The following LEO1 variants were observed in gnomAD, a reference collection of about 807,000 sequenced individuals.
The protein encoded by LEO1 is LEO1 component of Paf1/RNA polymerase II complex.
In LEO1, 34 loss-of-function variants were observed where a neutral mutation model predicts 80.4. The observed-to-expected ratio is 0.42, with a 90% CI of 0.32 to 0.56. The LOEUF is 0.56. Among genes scored for constraint, LEO1 ranks in the 20% least tolerant of loss-of-function variants. LEO1 has a pLI of 0.10. For missense variants in LEO1, 631 were observed against 814.2 expected (o/e 0.77, Z 2.74); for synonymous variants, 262 against 274.9 (o/e 0.95, Z 0.46).
chr15:51,942,377 G>C (rs923730902), intron 11 of LEO1, among the ~76,000 whole-genome samples: 1 of 151,720 alleles, frequency 6.6e-6, no homozygotes, highest in African/African-American at 2.4e-5. Flanking sequence ...GTGTAGGTTT[G>C]CAACTGCCCA....
Position 51,971,677 on chromosome 15 carries a change from A to G in LEO1, c.58+11T>C. On this transcript the variant is annotated intron_variant, in intron 1 of 11. Transcript: ENST00000299601. Reference sequence around the variant, plus strand: ...GCCACGCACCCATCCTCCGAAGACCAGCGAACCCACCTTTACGCTCAGCTT... The same window carrying G: ...GCCACGCACCCATCCTCCGAAGACCGGCGAACCCACCTTTACGCTCAGCTT... 4 of 1,613,892 alleles carry G rather than the reference A, an allele frequency of 2.5e-6. No individual in the cohort carries two copies. In the Admixed American group the frequency reaches 6.7e-5, roughly 27 times the overall value.
intron 11 of LEO1, among the ~76,000 whole-genome samples, chr15:51,943,898 C>G (rs529276674): frequency 1.3e-4 from 20 of 151,316 alleles, no homozygotes; most frequent in Non-Finnish European, 1.9e-4. Context: ...CTTGATGGAT[C>G]GACAGAGATT....
chr15:51,966,495 G>C lies in LEO1; in HGVS notation c.68C>G (p.Ser23Cys). 1 of 1,582,558 alleles carries C rather than the reference G, an allele frequency of 6.3e-7. No individual in the cohort carries two copies. Among genetic ancestry groups the C allele is most frequent in the Admixed American group, 1.7e-5 (1 of 58,968 alleles). The change falls in exon 2 of 12, where the codon TCT becomes TGT. Residue 23 changes from serine to cysteine, a missense_variant. Around this residue, in one of 4 missense-constraint regions of LEO1, gnomAD observed 394 missense variants for 395.6 expected, o/e 1.00. Coordinates refer to ENST00000299601, the MANE Select transcript of LEO1 (RefSeq NM_138792.4). ...TTGATCAGAATCTGAGTCAGATCCA[G>C]AATCAGAATCTATGGGGTCATATAA... Reference protein sequence around the residue: ...DSEAERKDSDSGSDSDSDQEN... With the variant: ...DSEAERKDSDCGSDSDSDQEN...
rs542045904 is a variant in LEO1 at position 51,945,959 on chromosome 15, A to G, written c.1896+1333T>C. ...TGAGGCAGGAAAATGGCATGAACCC[A>G]GGAGGCAGAGCTTGCAGTGAACCGA... On this transcript the variant is annotated intron_variant, in intron 11 of 11. Coordinates refer to ENST00000299601, the MANE Select transcript of LEO1 (RefSeq NM_138792.4). Among the ~76,000 whole-genome samples the G allele has an allele frequency of 9.9e-5, 15 of 151,962 alleles. No homozygotes were observed. The South Asian group carries it at 2.7e-3, about 27-fold the overall frequency.
chr15:51,962,668 C>T (rs995561210), intron 2 of LEO1, among the ~76,000 whole-genome samples, 175 bp from the exon 3 acceptor site: 4 of 152,048 alleles, frequency 2.6e-5, no homozygotes, highest in African/African-American at 7.2e-5. Context: ...TGCTATATGC[C>T]AAGTTAAAGA....
chr15:51,945,829 T>C (rs1566880275), intron 11 of LEO1, among the ~76,000 whole-genome samples: 3 of 151,896 alleles, frequency 2.0e-5, no homozygotes, highest in Non-Finnish European at 2.9e-5. Flanking sequence ...GGTCAGGAGA[T>C]TGAGACCATC....
intron 8 of LEO1, among the ~76,000 whole-genome samples, chr15:51,952,767 A>C (rs1057111027): frequency 2.0e-5 from 3 of 152,160 alleles, no homozygotes; most frequent in African/African-American, 7.2e-5. Context: ...GCACAACAAC[A>C]ACCTCTAGTT....
At chr15:51,949,393 T>C (rs1422275996) in intron 10 of LEO1, among the ~76,000 whole-genome samples, 3 of 151,938 alleles carry the variant, frequency 2.0e-5, no homozygotes, top group African/African-American at 7.3e-5. Flanking sequence ...TCATGACAAC[T>C]CGTTCTTTAA....
chr15:51,964,389 G>A (rs180719859), intron 2 of LEO1, among the ~76,000 whole-genome samples: 68 of 151,950 alleles, frequency 4.5e-4, no homozygotes, highest in East Asian at 4.2e-3. Context: ...ATCACACACC[G>A]GGGCCTGTCA....
chr15:51,966,191 A>G lies in LEO1; in HGVS notation c.372T>C (p.Asp124=). Residue 124 remains aspartate, a synonymous_variant, in exon 2 of 12, where the codon GAT becomes GAC. Transcript: ENST00000299601. The part of the protein sequence containing the change: ...NDDEDEGHRS[D]GGSHHSEAEG... ...CTGCTTCTGAATGATGGCTCCCTCC[A>G]TCCGATCTATGACCTTCGTCTTCAT... The G allele has an allele frequency of 6.2e-7, 1 of 1,613,870 alleles. No homozygotes were observed. Among genetic ancestry groups the G allele is most frequent in the East Asian group, 2.2e-5 (1 of 44,878 alleles).
Position 51,965,942 on chromosome 15 carries a change from C to T in LEO1, c.621G>A (p.Glu207=), listed in dbSNP as rs769115213. The T allele has an allele frequency of 1.9e-6, 3 of 1,613,950 alleles. No individual in the cohort carries two copies. The highest frequency in any genetic ancestry group is 2.5e-6 in the Non-Finnish European group (3 of 1,179,992). The part of the protein sequence containing the change: ...SDDERQQLSE[E]EKANSDDERP... ...GTTCATCATCAGAATTAGCCTTTTCCTCCTCAGATAGCTGTTGTCTCTCAT... is the reference window on the plus strand; with the variant it reads ...GTTCATCATCAGAATTAGCCTTTTCTTCCTCAGATAGCTGTTGTCTCTCAT... The change falls in exon 2 of 12, where the codon GAG becomes GAA. Residue 207 remains glutamate, a synonymous_variant. Coordinates refer to ENST00000299601, the MANE Select transcript of LEO1 (RefSeq NM_138792.4).
intron 1 of LEO1, among the ~76,000 whole-genome samples, chr15:51,970,502 T>C (rs1186058203): frequency 1.3e-5 from 2 of 152,202 alleles, no homozygotes; most frequent in Admixed American, 1.3e-4. Context: ...GCACATTCAA[T>C]GGAATATTAT....
At chr15:51,943,940 A>T (rs1464157564) in intron 11 of LEO1, among the ~76,000 whole-genome samples, 5 of 152,204 alleles carry the variant, frequency 3.3e-5, no homozygotes, top group Admixed American at 3.3e-4. Flanking sequence ...AAACAGAATG[A>T]AGAAAAATGA....
intron 11 of LEO1, among the ~76,000 whole-genome samples, chr15:51,945,688 AT>A: frequency 6.6e-6 from 1 of 152,120 alleles, no homozygotes; most frequent in Non-Finnish European, 1.5e-5. Flanking sequence ...AAAACTTTAA[AT>A]TTCTCAGTAT....
At position 51,960,664 on chromosome 15, in the gene LEO1, T is replaced by C. The variant is rs1161550854; in HGVS notation, c.989A>G (p.Lys330Arg). The C allele has an allele frequency of 6.2e-7, 1 of 1,607,090 alleles. No individual in the cohort carries two copies. Among genetic ancestry groups the C allele is most frequent in the Non-Finnish European group, 8.5e-7 (1 of 1,173,628 alleles). ...AACAGGCTGTCCTGGAGTAGGTGGTTTGTCTTCTCCATCACTCCCTGAAGA... is the reference window on the plus strand; with the variant it reads ...AACAGGCTGTCCTGGAGTAGGTGGTCTGTCTTCTCCATCACTCCCTGAAGA... Reference protein sequence around the residue: ...DISSGSDGEDKPPTPGQPVDE... With the variant: ...DISSGSDGEDRPPTPGQPVDE... The change falls in exon 4 of 12, where the codon AAA (lysine) becomes AGA (arginine). Residue 330 changes from lysine to arginine, a missense_variant. This residue lies in a region of LEO1 where 95 missense variants were observed against 171.7 expected (regional missense o/e 0.55). Transcript: ENST00000299601.
At chr15:51,940,201 G>A (rs1394270721) in intron 11 of LEO1, among the ~76,000 whole-genome samples, 1 of 146,904 alleles carries the variant, frequency 6.8e-6, no homozygotes, top group Non-Finnish European at 1.5e-5. Context: ...GTTGCAGTGG[G>A]CAGAAATCAC....
chr15:51,961,188 G>A (rs1448677705), intron 3 of LEO1, among the ~76,000 whole-genome samples: 2 of 152,100 alleles, frequency 1.3e-5, no homozygotes, highest in Non-Finnish European at 2.9e-5. Context: ...TTTGACACCA[G>A]CCTGACCAAC....
Position 51,949,801 on chromosome 15 carries a change from G to A in LEO1, c.1798+7C>T, listed in dbSNP as rs562892457. ...ATGATGAAATGTAATTTCCATACAC[G>A]ACTCACCTCGAATGCCCCCTTTATA... On this transcript the variant is annotated splice_region_variant and intron_variant, in intron 10 of 11. Transcript: ENST00000299601. 265 of 1,609,990 alleles carry A rather than the reference G, an allele frequency of 1.6e-4. 1 individual carries two copies. In the South Asian group the frequency reaches 2.7e-3, roughly 16 times the overall value.
intron 5 of LEO1, 72 bp downstream of exon 5, chr15:51,959,827 C>A (rs781092634): frequency 2.2e-6 from 3 of 1,356,410 alleles, no homozygotes; most frequent in Admixed American, 2.6e-5. Context: ...CAACTCAATG[C>A]GAAATAAGAA....
Sources: gnomAD v4.1 joint callset for allele counts (sites outside exome capture counted in the v4.1 genomes callset) on GRCh38, gnomAD v4.1.1 for gene constraint, gnomAD v4.1.1 regional missense constraint, MANE v1.5 for transcripts, NCBI Gene and HGNC (gene_info 2026-07-23, HGNC 2026-07-21) for gene names.